MBNL1: variants seen among roughly 807,000 people sequenced by gnomAD.
MBNL1 encodes muscleblind like splicing regulator 1.
Under a neutral mutation model 42.2 loss-of-function variants are expected in MBNL1, and 8 were observed. The observed-to-expected ratio is 0.19, with a 90% CI of 0.11 to 0.34. MBNL1 has a LOEUF of 0.34. Ranked by LOEUF, MBNL1 falls within the 10% of genes least tolerant of loss-of-function variation. The pLI is 1.00. For synonymous variants in MBNL1, 169 were observed against 173.9 expected (o/e 0.97, Z 0.22); for missense variants, 309 against 495.3 (o/e 0.62, Z 3.57).
At chr3:152,336,210 C>T (rs1194715033) in intron 2 of MBNL1, among the ~76,000 whole-genome samples, 1 of 152,062 alleles carries the variant, frequency 6.6e-6, no homozygotes, top group East Asian at 1.9e-4. Flanking sequence ...AATAAACCTA[C>T]AATTTCTGAT....
intron 2 of MBNL1, chr3:152,300,773 C>T (rs2060406254): frequency 5.5e-6 from 1 of 183,306 alleles, no homozygotes; most frequent in Non-Finnish European, 1.0e-5. Flanking sequence ...TGTACAGTTG[C>T]AAAAGAGAAG....
chr3:152,370,161 C>T (rs879895860), intron 2 of MBNL1, among the ~76,000 whole-genome samples: 19 of 152,276 alleles, frequency 1.2e-4, no homozygotes, highest in Admixed American at 6.5e-4. Flanking sequence ...AAATTTTTCT[C>T]TAAACACTAC....
At chr3:152,291,903 A>G (rs896907892) in intron 1 of MBNL1, among the ~76,000 whole-genome samples, 1 of 152,124 alleles carries the variant, frequency 6.6e-6, no homozygotes, top group Non-Finnish European at 1.5e-5. Context: ...CAGCCTCCCA[A>G]GTTGCTGGGA....
chr3:152,268,787 G>C, upstream of MBNL1: 1 of 445,298 alleles, frequency 2.2e-6, no homozygotes, highest in South Asian at 1.6e-5. Context: ...GTTGAAGAGC[G>C]TTTTTCTCGC....
At chr3:152,349,596 G>T (rs943744876) in intron 2 of MBNL1, among the ~76,000 whole-genome samples, 3 of 152,004 alleles carry the variant, frequency 2.0e-5, no homozygotes, top group Admixed American at 2.0e-4. Flanking sequence ...TATAATTTCT[G>T]ACTTATCCAT....
chr3:152,369,837 C>A (rs1203092603), intron 2 of MBNL1, among the ~76,000 whole-genome samples: 1 of 152,132 alleles, frequency 6.6e-6, no homozygotes, highest in African/African-American at 2.4e-5. Flanking sequence ...AACTGTATTT[C>A]TTTGGGATCA....
At chr3:152,361,484 A>C (rs1196687555) in intron 2 of MBNL1, among the ~76,000 whole-genome samples, 1 of 151,282 alleles carries the variant, frequency 6.6e-6, no homozygotes, top group Non-Finnish European at 1.5e-5. Context: ...AGGAAGCATG[A>C]AAAAGATACA....
chr3:152,439,110 T>G (rs1019213261), intron 4 of MBNL1, among the ~76,000 whole-genome samples: 10 of 152,190 alleles, frequency 6.6e-5, no homozygotes, highest in African/African-American at 2.4e-4. Flanking sequence ...TAAAATAAAT[T>G]ATTCTTGGCT....
upstream of MBNL1, chr3:152,267,203 G>GCCAT (rs1364591743): frequency 6.5e-6 from 1 of 152,716 alleles, no homozygotes; most frequent in African/African-American, 2.4e-5. Context: ...TGTGAGCCAT[G>GCCAT]CCATCCAGCC....
chr3:152,364,400 G>A (rs1204500910), intron 2 of MBNL1, among the ~76,000 whole-genome samples: 1 of 152,034 alleles, frequency 6.6e-6, no homozygotes, highest in Non-Finnish European at 1.5e-5. Flanking sequence ...AGTTTTACAT[G>A]TCAAGCATAT....
intron 2 of MBNL1, among the ~76,000 whole-genome samples, chr3:152,414,451 T>C (rs1208259494): frequency 6.6e-6 from 1 of 152,218 alleles, no homozygotes; most frequent in Non-Finnish European, 1.5e-5. Flanking sequence ...TTTAATTTTA[T>C]TTGTTATTAG....
intron 2 of MBNL1, among the ~76,000 whole-genome samples, chr3:152,345,858 T>A (rs1034181372): frequency 2.5e-4 from 38 of 152,146 alleles, no homozygotes; most frequent in African/African-American, 8.7e-4. Flanking sequence ...CTTTATTTAA[T>A]GAGTTTTAAT....
chr3:152,340,352 C>G (rs928539259), intron 2 of MBNL1: 2 of 695,300 alleles, frequency 2.9e-6, no homozygotes, highest in Non-Finnish European at 2.3e-6. Flanking sequence ...AAAAACTGAA[C>G]AATAGTAATC....
intron 3 of MBNL1, among the ~76,000 whole-genome samples, chr3:152,429,054 G>A (rs941179771): frequency 1.3e-5 from 2 of 151,874 alleles, no homozygotes; most frequent in African/African-American, 4.8e-5. Flanking sequence ...ATTTAGTAGG[G>A]AACTAAACAG....
At chr3:152,449,839 T>G (rs1028731670) in intron 6 of MBNL1, among the ~76,000 whole-genome samples, 2 of 152,162 alleles carry the variant, frequency 1.3e-5, no homozygotes, top group African/African-American at 4.8e-5. Flanking sequence ...GCGCAGTGAC[T>G]CATGCCTGTA....
chr3:152,445,640 A>C lies in MBNL1; in HGVS notation c.807+101A>C, dbSNP rs1017906867. The C allele has an allele frequency of 3.8e-6, 5 of 1,327,178 alleles. No individual in the cohort carries two copies. The South Asian group carries it at 7.2e-5, about 19-fold the overall frequency. The allele number at this position is 1,327,178 out of a possible 1,614,324, so 82.2% of individuals were successfully genotyped here. On this transcript the variant is annotated intron_variant, in intron 5 of 9. Transcript: ENST00000324210. ...ATTCATTTAGTAACCTTTTTAAAAA[A>C]ATTGCTGAAGATATGTTTGTTCAGG...
At chr3:152,441,331 A>G (rs940854068) in intron 4 of MBNL1, among the ~76,000 whole-genome samples, 3 of 152,198 alleles carry the variant, frequency 2.0e-5, no homozygotes, top group African/African-American at 7.2e-5. Context: ...AGATCAAATG[A>G]CAGGATTATT....
At chr3:152,379,700 T>C (rs2097096263) in intron 2 of MBNL1, among the ~76,000 whole-genome samples, 1 of 152,182 alleles carries the variant, frequency 6.6e-6, no homozygotes, top group Non-Finnish European at 1.5e-5. Context: ...AATATTGTTG[T>C]AGAATCATGA....
chr3:152,265,423 TCA>T (rs1553763663), upstream of MBNL1: 9 of 149,958 alleles, frequency 6.0e-5, no homozygotes, highest in African/African-American at 2.2e-4. Context: ...TGTGTGTGTG[TCA>T]GGAAAGACAA....
Sources: allele counts gnomAD v4.1 joint callset (sites outside exome capture counted in the v4.1 genomes callset), GRCh38; gene constraint gnomAD v4.1.1; transcripts MANE v1.5; gene names NCBI Gene and HGNC (gene_info 2026-07-23, HGNC 2026-07-21).